The following KDELR2 variants were observed in gnomAD, a reference collection of about 807,000 sequenced individuals.
KDELR2 encodes ER lumen protein-retaining receptor 2.
In KDELR2, 15 loss-of-function variants were observed where a neutral mutation model predicts 23.9. The observed-to-expected ratio is 0.63, with a 90% CI of 0.42 to 0.97. The LOEUF is 0.97. KDELR2 is among the 50% of genes least tolerant of loss of function. The pLI is 0.00. For missense variants in KDELR2, 272 were observed against 254.6 expected (o/e 1.07, Z -0.46); for synonymous variants, 119 against 106.2 (o/e 1.12, Z -0.74).
In KDELR2 at chr7:6,484,042, G is replaced by C; in HGVS notation, c.16C>G (p.Leu6Val). The change falls in exon 1 of 5, where the codon CTG becomes GTG. Residue 6 changes from leucine (L) to valine (V), a missense_variant. Coordinates refer to ENST00000258739, the MANE Select transcript of KDELR2 (RefSeq NM_006854.4). ...GCCAGGTGGGACAGGTCCCCAGTCA[G>C]CCGGAAAATGTTCATGGCGGCGGCG... is the stretch of plus-strand genomic sequence containing the variant. MNIFR[L>V]TGDLSHLAAI... 6.6e-7 allele frequency: 1 copy of C among 1,519,922 alleles called. No homozygotes were observed. Among genetic ancestry groups the C allele is most frequent in the East Asian group, 2.8e-5 (1 of 35,304 alleles). The allele number at this position is 1,519,922 out of a possible 1,614,324, so 94.2% of individuals were successfully genotyped here. A position where few individuals can be genotyped will look rare whatever the true frequency, so the allele number is the denominator to read the frequency against.
At position 6,483,980 on chromosome 7, in the gene KDELR2, C is replaced by T; in HGVS notation, c.78G>A (p.Thr26=). The T allele has an allele frequency of 6.5e-7, 1 of 1,530,578 alleles. No homozygotes were observed. Among genetic ancestry groups the T allele is most frequent in the Non-Finnish European group, 8.8e-7 (1 of 1,136,684 alleles). The allele number at this position is 1,530,578 out of a possible 1,614,324, so 94.8% of individuals were successfully genotyped here. A position where few individuals can be genotyped will look rare whatever the true frequency, so the allele number is the denominator to read the frequency against. The change falls in exon 1 of 5, where the codon ACG becomes ACA. Residue 26 remains threonine, a synonymous_variant. Transcript: ENST00000258739. ...IVILLLKIWK[T]RSCAGISGKS... ...CCCGCCGCTCACCGGCGCAGGAGCGCGTCTTCCAGATCTTCAGCAGCAGGA... is the reference window on the plus strand; with the variant it reads ...CCCGCCGCTCACCGGCGCAGGAGCGTGTCTTCCAGATCTTCAGCAGCAGGA...
intron 1 of KDELR2, chr7:6,482,564 T>A (rs757693989): frequency 2.8e-5 from 13 of 470,882 alleles, no homozygotes; most frequent in South Asian, 2.0e-4. Context: ...CGGATCTCAG[T>A]TATGTTCCAA....
rs1266771466 is a variant in KDELR2 at position 6,483,968 on chromosome 7, G to A, written c.90C>T (p.Ala30=). 2.0e-6 allele frequency: 3 copies of A among 1,518,120 alleles called. No homozygotes were observed. Among genetic ancestry groups the A allele is most frequent in the East Asian group, 5.6e-5 (2 of 35,432 alleles). 94.0% of individuals were successfully genotyped at this position (1,518,120 alleles called of 1,614,324 possible). Residue 30 remains alanine (A), a splice_region_variant and synonymous_variant, in exon 1 of 5, where the codon GCC becomes GCT. Transcript: ENST00000258739. ...LLKIWKTRSC[A]GISGKSQLLF... ...TCCGGGCCTTCCCCCGCCGCTCACC[G>A]GCGCAGGAGCGCGTCTTCCAGATCT...
Position 6,476,331 on chromosome 7 carries a change from G to A in KDELR2, c.92-2047C>T, listed in dbSNP as rs148793446. Among the ~76,000 whole-genome samples, 1,390 of 152,178 alleles carry A rather than the reference G, an allele frequency of 9.1e-3. 23 individuals carry two copies. The highest frequency in any genetic ancestry group is 0.017 in the African/African-American group (721 of 41,530). ...CTGCTCTTAGTCTTTTCCCCGTAAC[G>A]GATAACTGATTTCTTCCTACAGAGA... On this transcript the variant is annotated intron_variant, in intron 1 of 4. Coordinates refer to ENST00000258739, the MANE Select transcript of KDELR2 (RefSeq NM_006854.4).
chr7:6,473,680 G>GAC (rs1785699872), intron 2 of KDELR2, among the ~76,000 whole-genome samples: 1 of 152,120 alleles, frequency 6.6e-6, no homozygotes, highest in Admixed American at 6.6e-5. Flanking sequence ...TAATAAAAAT[G>GAC]ACACACACAC....
rs1785498529 is a variant in KDELR2 at position 6,466,165 on chromosome 7, G to C, written c.510C>G (p.Phe170Leu). The C allele has an allele frequency of 1.2e-6, 2 of 1,614,080 alleles. No homozygotes were observed. The highest frequency in any genetic ancestry group is 1.3e-5 in the African/African-American group (1 of 74,918). ...ALYLVNWIWR[F>L]YFEGFFDLIA... ...TGAGGTCAAAGAAGCCCTCAAAGTA[G>C]AAGCGCCAGATCCAGTTGACAAGAT... Residue 170 changes from phenylalanine to leucine, a missense_variant, in exon 4 of 5, where the codon TTC becomes TTG. By Grantham distance (22) the Phe-to-Leu change is conservative. Transcript: ENST00000258739.
intron 1 of KDELR2, among the ~76,000 whole-genome samples, chr7:6,476,842 T>C (rs75331482): frequency 0.023 from 3,497 of 152,264 alleles, 62 homozygotes; most frequent in Middle Eastern, 0.054. Flanking sequence ...ACTGTGATGA[T>C]GTGGTTCCTG....
At chr7:6,471,904 CTTT>C (rs11324108) in intron 2 of KDELR2, among the ~76,000 whole-genome samples, 4 of 143,910 alleles carry the variant, frequency 2.8e-5, no homozygotes, top group Non-Finnish European at 3.1e-5. Flanking sequence ...GTAAGTTTAA[CTTT>C]TTTTTTTTTT....
chr7:6,469,510 G>A (rs1785580859), intron 3 of KDELR2, 86 bp downstream of exon 3: 1 of 1,316,904 alleles, frequency 7.6e-7, no homozygotes, highest in Non-Finnish European at 1.1e-6. Flanking sequence ...CCAAAGTGGA[G>A]GCTGAACTCC....
chr7:6,465,494 T>A (rs1371421705), intron 4 of KDELR2, among the ~76,000 whole-genome samples: 1 of 152,126 alleles, frequency 6.6e-6, no homozygotes, highest in East Asian at 1.9e-4. Flanking sequence ...AATGTTTTTT[T>A]TTTTCTGAAC....
At chr7:6,471,832 G>A (rs976636289) in intron 2 of KDELR2, among the ~76,000 whole-genome samples, 1 of 152,064 alleles carries the variant, frequency 6.6e-6, no homozygotes, top group African/African-American at 2.4e-5. Context: ...TTGTGTGAAT[G>A]TAAGTTTTCA....
intron 1 of KDELR2, among the ~76,000 whole-genome samples, chr7:6,476,932 C>T (rs1483303352): frequency 6.6e-6 from 1 of 152,172 alleles, no homozygotes; most frequent in African/African-American, 2.4e-5. Context: ...CTTGTATTCC[C>T]TGCATGGGAC....
intron 1 of KDELR2, among the ~76,000 whole-genome samples, chr7:6,474,525 A>G (rs963367418): frequency 6.6e-6 from 1 of 152,192 alleles, no homozygotes; most frequent in African/African-American, 2.4e-5. Context: ...CGACCACAGG[A>G]AAGGGGCTTT....
intron 3 of KDELR2, among the ~76,000 whole-genome samples, chr7:6,469,221 G>A (rs147938692): frequency 6.6e-6 from 1 of 151,820 alleles, no homozygotes; most frequent in East Asian, 1.9e-4. Context: ...CAAAGTGCTG[G>A]AATTACAGGC....
intron 1 of KDELR2, among the ~76,000 whole-genome samples, chr7:6,474,888 C>T (rs750889725): frequency 2.0e-5 from 3 of 152,222 alleles, no homozygotes; most frequent in Non-Finnish European, 4.4e-5. Context: ...ACTCCTGGGC[C>T]CAGCTTCCCA....
intron 4 of KDELR2, among the ~76,000 whole-genome samples, chr7:6,465,863 G>C (rs993401445): frequency 6.6e-6 from 1 of 152,126 alleles, no homozygotes; most frequent in Non-Finnish European, 1.5e-5. Flanking sequence ...CAGTGAAAAT[G>C]TGTCACTTTA....
rs1315916660 is a variant in KDELR2 at position 6,462,270 on chromosome 7, G to C, written c.*871C>G. 1 of 152,182 alleles carries C rather than the reference G, an allele frequency of 6.6e-6. No individual in the cohort carries two copies. The highest frequency in any genetic ancestry group is 1.5e-5 in the Non-Finnish European group (1 of 68,048). The allele number at this position is 152,182 out of a possible 1,614,324, so 9.4% of individuals were successfully genotyped here. A position where few individuals can be genotyped will look rare whatever the true frequency, so the allele number is the denominator to read the frequency against. On this transcript the variant is annotated 3_prime_UTR_variant, in exon 5 of 5. Transcript: ENST00000258739. ...GAATCTGAGCATGGACATGGTTGTA[G>C]TCATCTTTTGGAATTATAAGTGAAA...
intron 2 of KDELR2, among the ~76,000 whole-genome samples, chr7:6,473,505 T>A (rs1280115150): frequency 6.6e-6 from 1 of 152,204 alleles, no homozygotes; most frequent in Non-Finnish European, 1.5e-5. Context: ...TGTGCAAACA[T>A]TTTGTATTTT....
chr7:6,483,887 G>C, intron 1 of KDELR2, 80 bp downstream of exon 1: 1 of 1,160,272 alleles, frequency 8.6e-7, no homozygotes, highest in Non-Finnish European at 1.1e-6. Context: ...CGCGAGCCGT[G>C]GGGTGGCCGA....
Sources: allele counts gnomAD v4.1 joint callset (sites outside exome capture counted in the v4.1 genomes callset), GRCh38; gene constraint gnomAD v4.1.1; transcripts MANE v1.5; gene names NCBI Gene and HGNC (gene_info 2026-07-23, HGNC 2026-07-21).